POU6F2: variants seen among roughly 807,000 people sequenced by gnomAD.
The protein encoded by POU6F2 is POU domain, class 6, transcription factor 2.
Under a neutral mutation model 71.3 loss-of-function variants are expected in POU6F2, and 31 were observed. The ratio of observed to expected loss-of-function variants is 0.43; its 90% CI spans 0.33 to 0.59. POU6F2 has a LOEUF of 0.59. POU6F2 is among the 20% of genes least tolerant of loss of function. The probability of loss-of-function intolerance (pLI) is 0.04; values close to 1 mark genes in which losing one functional copy is unlikely to be tolerated. For synonymous variants in POU6F2, 347 were observed against 355.7 expected (o/e 0.98, Z 0.27); for missense variants, 783 against 856.8 (o/e 0.91, Z 1.07).
At chr7:39,340,049 A>G in intron 5 of POU6F2, 34 bp downstream of exon 5, 1 of 1,564,426 alleles carries the variant, frequency 6.4e-7, no homozygotes, top group Non-Finnish European at 8.7e-7. Flanking sequence ...TGCCCCTAGG[A>G]GCACCAAGGA....
intron 5 of POU6F2, among the ~76,000 whole-genome samples, chr7:39,380,394 T>A (rs2115791550): frequency 6.6e-6 from 1 of 152,352 alleles, no homozygotes; most frequent in Admixed American, 6.5e-5. Flanking sequence ...CTGTGTTACA[T>A]GGTAAATATT....
At chr7:39,401,404 A>G (rs1011451190) in intron 5 of POU6F2, among the ~76,000 whole-genome samples, 4 of 152,218 alleles carry the variant, frequency 2.6e-5, no homozygotes, top group African/African-American at 9.7e-5. Flanking sequence ...GTGTTGTTAT[A>G]ACACAACAAT....
At chr7:39,243,242 A>G (rs1331618864) in intron 4 of POU6F2, among the ~76,000 whole-genome samples, 1 of 152,172 alleles carries the variant, frequency 6.6e-6, no homozygotes, top group Non-Finnish European at 1.5e-5. Flanking sequence ...CAAAAGTAGC[A>G]GACTATAGGG....
intron 2 of POU6F2, among the ~76,000 whole-genome samples, chr7:39,112,232 G>A (rs1791828598): frequency 6.6e-6 from 1 of 151,656 alleles, no homozygotes; most frequent in African/African-American, 2.4e-5. Context: ...TTTAAGGACT[G>A]AAATTAGTCT....
chr7:38,997,552 T>A (rs960367680), intron 1 of POU6F2, among the ~76,000 whole-genome samples: 6 of 152,216 alleles, frequency 3.9e-5, no homozygotes, highest in Non-Finnish European at 8.8e-5. Context: ...TTTAGGGGTA[T>A]TATAAGCCTG....
intron 4 of POU6F2, among the ~76,000 whole-genome samples, chr7:39,272,374 A>AG (rs1562771721): frequency 6.6e-6 from 1 of 152,158 alleles, no homozygotes; most frequent in African/African-American, 2.4e-5. Context: ...CCTCTGGACC[A>AG]GGGGGCCTTT....
At chr7:39,333,733 GT>G (rs1214806565) in intron 4 of POU6F2, among the ~76,000 whole-genome samples, 2 of 152,124 alleles carry the variant, frequency 1.3e-5, no homozygotes, top group Non-Finnish European at 2.9e-5. Context: ...GTGAGACTTT[GT>G]CTCAAAAATA....
chr7:39,037,797 C>T (rs10248136), intron 1 of POU6F2, among the ~76,000 whole-genome samples: 74,602 of 151,756 alleles, frequency 0.49, 18,575 homozygotes, highest in South Asian at 0.54. Context: ...TTTGTGCCAT[C>T]GGCCTGATTG....
intron 4 of POU6F2, among the ~76,000 whole-genome samples, chr7:39,219,205 A>C (rs1794302039): frequency 6.6e-6 from 1 of 152,156 alleles, no homozygotes; most frequent in Non-Finnish European, 1.5e-5. Flanking sequence ...AACAAGAAGG[A>C]GCCCCCCAAA....
At chr7:39,459,705 T>A (rs1583621547) in intron 8 of POU6F2, among the ~76,000 whole-genome samples, 1 of 152,128 alleles carries the variant, frequency 6.6e-6, no homozygotes, top group Non-Finnish European at 1.5e-5. Flanking sequence ...CAGGATTGAG[T>A]AGCACTTTGA....
intron 4 of POU6F2, among the ~76,000 whole-genome samples, chr7:39,329,715 TGCTTG>T (rs939238907): frequency 1.2e-4 from 19 of 152,162 alleles, no homozygotes; most frequent in African/African-American, 4.1e-4. Flanking sequence ...ATCCTGTCTT[TGCTTG>T]GCTTCTTGCC....
chr7:39,280,297 T>C (rs1426315910), intron 4 of POU6F2, among the ~76,000 whole-genome samples: 1 of 152,218 alleles, frequency 6.6e-6, no homozygotes, highest in Non-Finnish European at 1.5e-5. Flanking sequence ...CCCACTCCAC[T>C]GTCAGGCACA....
chr7:39,160,165 G>A (rs1792964307), intron 2 of POU6F2, among the ~76,000 whole-genome samples: 1 of 152,210 alleles, frequency 6.6e-6, no homozygotes, highest in Non-Finnish European at 1.5e-5. Context: ...TGGAGCATAT[G>A]TCATAGAGCT....
At chr7:39,347,026 G>C (rs556421286) in intron 5 of POU6F2, among the ~76,000 whole-genome samples, 1 of 152,194 alleles carries the variant, frequency 6.6e-6, no homozygotes, top group Non-Finnish European at 1.5e-5. Context: ...GCCTGGGTTT[G>C]AATGCTCGCT....
At chr7:39,225,015 T>C (rs1371069328) in intron 4 of POU6F2, among the ~76,000 whole-genome samples, 1 of 152,202 alleles carries the variant, frequency 6.6e-6, no homozygotes, top group African/African-American at 2.4e-5. Flanking sequence ...CACTTCTCAC[T>C]TGAAATATTT....
intron 1 of POU6F2, among the ~76,000 whole-genome samples, chr7:39,051,836 A>G (rs1273680131): frequency 6.6e-6 from 1 of 152,084 alleles, no homozygotes; most frequent in East Asian, 1.9e-4. Flanking sequence ...TAGTGTATCC[A>G]TGAGTGTTTA....
chr7:39,431,242 C>T (rs766350078), intron 6 of POU6F2, among the ~76,000 whole-genome samples: 51 of 152,268 alleles, frequency 3.3e-4, no homozygotes, highest in Non-Finnish European at 6.8e-4. Context: ...TGACAAATGC[C>T]GTTGATACTT....
intron 6 of POU6F2, among the ~76,000 whole-genome samples, chr7:39,407,909 T>C (rs1014899180): frequency 6.6e-6 from 1 of 152,184 alleles, no homozygotes; most frequent in African/African-American, 2.4e-5. Context: ...TAATGAATCA[T>C]CTTATCACAG....
intron 6 of POU6F2, among the ~76,000 whole-genome samples, chr7:39,432,794 C>A (rs1489979220): frequency 1.3e-5 from 2 of 152,108 alleles, no homozygotes; most frequent in Non-Finnish European, 2.9e-5. Flanking sequence ...GTCAGACCTG[C>A]CCTGGCAAAA....
Sources: gnomAD v4.1 joint callset for allele counts (sites outside exome capture counted in the v4.1 genomes callset) on GRCh38, gnomAD v4.1.1 for gene constraint, MANE v1.5 for transcripts, NCBI Gene and HGNC (gene_info 2026-07-23, HGNC 2026-07-21) for gene names.